The following NHSL2 variants were observed in gnomAD, a reference collection of about 807,000 sequenced individuals.
NHSL2 encodes the protein NHS-like protein 2.
In NHSL2, 27 loss-of-function variants were observed where a neutral mutation model predicts 53.4. The observed-to-expected ratio is 0.51, with a 90% CI of 0.37 to 0.70. The LOEUF is 0.70. Among genes scored for constraint, NHSL2 ranks in the 30% least tolerant of loss-of-function variants. The pLI, the probability that NHSL2 is intolerant of heterozygous loss-of-function variation, is 0.00. For missense variants in NHSL2, 892 were observed against 980.1 expected (o/e 0.91, Z 1.20); for synonymous variants, 408 against 404.1 (o/e 1.01, Z -0.12).
At chrX:71,962,078 G>A (rs1050666969) in intron 1 of NHSL2, among the ~76,000 whole-genome samples, 2 of 112,346 alleles carry the variant, frequency 1.8e-5, no homozygotes, top group African/African-American at 6.5e-5. Flanking sequence ...AAATGATCAT[G>A]TGGTCTTTTT....
At chrX:72,079,733 A>G (rs1569478197) in intron 1 of NHSL2, 1 of 112,790 alleles carries the variant, frequency 8.9e-6, no homozygotes, top group Non-Finnish European at 1.9e-5. Flanking sequence ...GCACAGTGAC[A>G]ATAGACCAGG....
At chrX:72,032,867 A>G (rs931714901) in intron 1 of NHSL2, among the ~76,000 whole-genome samples, 1 of 112,135 alleles carries the variant, frequency 8.9e-6, no homozygotes, top group African/African-American at 3.2e-5. Flanking sequence ...CTTAAAAATA[A>G]ATAATAAAAT....
chrX:72,082,759 A>C (rs2041803622), intron 1 of NHSL2, among the ~76,000 whole-genome samples: 1 of 111,557 alleles, frequency 9.0e-6, no homozygotes, highest in Non-Finnish European at 1.9e-5. Context: ...AGCCTCTGGT[A>C]GGTTCTTTCC....
chrX:72,081,715 T>C (rs1250752790), intron 1 of NHSL2, among the ~76,000 whole-genome samples: 1 of 112,677 alleles, frequency 8.9e-6, no homozygotes, highest in Non-Finnish European at 1.9e-5. Flanking sequence ...GATTTATTTC[T>C]CTTCTCTATT....
intron 1 of NHSL2, among the ~76,000 whole-genome samples, chrX:72,035,852 G>A (rs1019297491): frequency 1.8e-5 from 2 of 111,721 alleles, no homozygotes; most frequent in Non-Finnish European, 3.8e-5. Flanking sequence ...GCCATAGATC[G>A]ATACCAGTCT....
At chrX:72,129,751 T>TG in intron 1 of NHSL2, 1 of 964,694 alleles carries the variant, frequency 1.0e-6, no homozygotes, top group Admixed American at 3.0e-5. Flanking sequence ...GGTCAGCAAA[T>TG]GGGGCAGGTA....
chrX:72,066,657 T>C (rs1465980394), intron 1 of NHSL2, among the ~76,000 whole-genome samples: 1 of 112,268 alleles, frequency 8.9e-6, no homozygotes, highest in Non-Finnish European at 1.9e-5. Context: ...TCTTTTGTTG[T>C]TCTTCCTCCA....
chrX:71,955,246 C>T (rs1481975986), intron 1 of NHSL2, among the ~76,000 whole-genome samples: 1 of 112,016 alleles, frequency 8.9e-6, no homozygotes, highest in Non-Finnish European at 1.9e-5. Flanking sequence ...GATGGTGTAG[C>T]CCACTTACCT....
chrX:72,064,467 C>T (rs2042416106), intron 1 of NHSL2, among the ~76,000 whole-genome samples: 1 of 111,927 alleles, frequency 8.9e-6, no homozygotes, highest in Non-Finnish European at 1.9e-5. Flanking sequence ...GCATCTTCAG[C>T]TTAGGTCCTA....
chrX:72,020,610 G>T (rs1009716377), intron 1 of NHSL2, among the ~76,000 whole-genome samples: 3 of 112,291 alleles, frequency 2.7e-5, no homozygotes, highest in Non-Finnish European at 3.8e-5. Flanking sequence ...TTCTAGGGAG[G>T]GGGGAAGGGA....
chrX:71,994,517 G>C (rs893798640), intron 1 of NHSL2, among the ~76,000 whole-genome samples: 2 of 111,220 alleles, frequency 1.8e-5, no homozygotes, highest in Admixed American at 9.5e-5. Flanking sequence ...TATGTGACTA[G>C]TGTTTAAGGA....
chrX:71,984,986 G>T (rs958304306), intron 1 of NHSL2, among the ~76,000 whole-genome samples: 1 of 110,557 alleles, frequency 9.0e-6, no homozygotes, highest in Admixed American at 9.6e-5. Context: ...ACCATGCCCG[G>T]CTAAGTTTTT....
intron 1 of NHSL2, among the ~76,000 whole-genome samples, chrX:71,942,571 T>C (rs1229174274): frequency 8.9e-6 from 1 of 112,613 alleles, no homozygotes; most frequent in Non-Finnish European, 1.9e-5. Context: ...TTTTCATGTA[T>C]TTTAGAAGAA....
At chrX:71,947,019 G>A (rs1189617439) in intron 1 of NHSL2, among the ~76,000 whole-genome samples, 1 of 112,065 alleles carries the variant, frequency 8.9e-6, no homozygotes, top group Non-Finnish European at 1.9e-5. Context: ...TATGGTAGCT[G>A]GTATCCACAG....
intron 1 of NHSL2, among the ~76,000 whole-genome samples, chrX:72,108,389 G>A (rs148428370): frequency 1.2e-4 from 14 of 112,575 alleles, no homozygotes; most frequent in Non-Finnish European, 2.1e-4. Context: ...CACTCACTGC[G>A]TCATCACAAC....
intron 6 of NHSL2, among the ~76,000 whole-genome samples, chrX:72,141,791 T>C (rs760250842): frequency 2.0e-4 from 22 of 112,226 alleles, no homozygotes; most frequent in African/African-American, 7.1e-4. Context: ...GAGTCAATTA[T>C]GACTAAGTCA....
intron 1 of NHSL2, among the ~76,000 whole-genome samples, chrX:71,942,081 G>A (rs957218306): frequency 4.5e-5 from 5 of 111,716 alleles, no homozygotes; most frequent in Non-Finnish European, 9.4e-5. Flanking sequence ...GGGAAGGAAA[G>A]GGAAGAGGAA....
At chrX:71,932,697 A>C (rs983066489) in intron 1 of NHSL2, among the ~76,000 whole-genome samples, 1 of 112,047 alleles carries the variant, frequency 8.9e-6, no homozygotes, top group Non-Finnish European at 1.9e-5. Flanking sequence ...TAAAGAGTAC[A>C]TGAGTGTAGG....
chrX:71,991,057 G>A (rs2042024929), intron 1 of NHSL2, among the ~76,000 whole-genome samples: 1 of 112,739 alleles, frequency 8.9e-6, no homozygotes, highest in African/African-American at 3.2e-5. Flanking sequence ...TAGTTGTGCA[G>A]GGTCCTCTGT....
Sources: allele counts gnomAD v4.1 joint callset (sites outside exome capture counted in the v4.1 genomes callset), GRCh38; gene constraint gnomAD v4.1.1; transcripts MANE v1.5; gene names NCBI Gene and HGNC (gene_info 2026-07-23, HGNC 2026-07-21).